Variants in PTPRT observed in about 807,000 individuals in gnomAD.
The protein encoded by PTPRT is receptor-type tyrosine-protein phosphatase T.
A neutral mutation model predicts 176.8 loss-of-function variants in PTPRT; 56 were observed. The observed-to-expected ratio is 0.32, with a 90% CI of 0.26 to 0.40. The LOEUF (loss-of-function observed/expected upper bound fraction) is 0.40, where lower values mean the gene tolerates loss of function less well. Among genes scored for constraint, PTPRT ranks in the 10% least tolerant of loss-of-function variants. PTPRT has a pLI of 1.00. For missense variants in PTPRT, 1,540 were observed against 1,908.2 expected (o/e 0.81, Z 3.60); for synonymous variants, 783 against 739.0 (o/e 1.06, Z -0.96).
chr20:42,294,431 A>C (rs1041400428), intron 12 of PTPRT, among the ~76,000 whole-genome samples: 1 of 152,094 alleles, frequency 6.6e-6, no homozygotes, highest in Non-Finnish European at 1.5e-5. Flanking sequence ...GAATTTTTAG[A>C]ATCACAAAAG....
At chr20:42,064,287 C>T in the PTPRT span, among the ~76,000 whole-genome samples, 2 of 152,102 alleles carry the variant, frequency 1.3e-5, no homozygotes, top group African/African-American at 4.8e-5. Context: ...CTAAAAGACT[C>T]ATATTGATTT....
intron 11 of PTPRT, among the ~76,000 whole-genome samples, chr20:42,342,722 A>G (rs760803281): frequency 9.2e-5 from 14 of 152,202 alleles, no homozygotes; most frequent in Non-Finnish European, 1.6e-4. Context: ...CTGCGGCTTC[A>G]TGGACCAGCA....
At chr20:42,772,233 C>T (rs1310849114) in intron 4 of PTPRT, among the ~76,000 whole-genome samples, 1 of 152,212 alleles carries the variant, frequency 6.6e-6, no homozygotes, top group Non-Finnish European at 1.5e-5. Flanking sequence ...GTACCACATG[C>T]AGTGTCTCTC....
intron 6 of PTPRT, among the ~76,000 whole-genome samples, chr20:42,722,288 T>A (rs2076315972): frequency 6.6e-6 from 1 of 152,158 alleles, no homozygotes; most frequent in Non-Finnish European, 1.5e-5. Flanking sequence ...GATTTACCCA[T>A]GCCCACTGTC....
chr20:42,585,090 G>T (rs980488792), intron 7 of PTPRT, among the ~76,000 whole-genome samples: 2 of 152,038 alleles, frequency 1.3e-5, no homozygotes, highest in African/African-American at 2.4e-5. Flanking sequence ...GGAAAAAAAT[G>T]GTTACCCTTT....
chr20:43,139,448 C>A (rs1204059411), intron 1 of PTPRT, among the ~76,000 whole-genome samples: 1 of 152,222 alleles, frequency 6.6e-6, no homozygotes, highest in East Asian at 1.9e-4. Context: ...CGTTCCAGGA[C>A]ACCAGACCTT....
intron 1 of PTPRT, among the ~76,000 whole-genome samples, chr20:43,177,009 C>T (rs1222625189): frequency 6.6e-6 from 1 of 152,150 alleles, no homozygotes; most frequent in Non-Finnish European, 1.5e-5. Flanking sequence ...CCATAATATC[C>T]TGTATTTTTG....
chr20:42,982,418 G>A (rs529070580), intron 1 of PTPRT, among the ~76,000 whole-genome samples: 8 of 152,316 alleles, frequency 5.3e-5, no homozygotes, highest in Admixed American at 1.3e-4. Flanking sequence ...GAGCTTGGCA[G>A]AGCGTGACTG....
At chr20:43,127,067 T>C (rs2013466537) in intron 1 of PTPRT, among the ~76,000 whole-genome samples, 1 of 152,224 alleles carries the variant, frequency 6.6e-6, no homozygotes, top group East Asian at 1.9e-4. Context: ...TTACTTATGA[T>C]TGTAAGCTAT....
At chr20:43,107,822 A>G (rs2012682260) in intron 1 of PTPRT, among the ~76,000 whole-genome samples, 1 of 152,232 alleles carries the variant, frequency 6.6e-6, no homozygotes, top group Non-Finnish European at 1.5e-5. Context: ...TCAAGTTTGG[A>G]AAGAAATGGC....
chr20:42,224,475 A>G (rs2055958923), intron 15 of PTPRT, among the ~76,000 whole-genome samples: 1 of 152,176 alleles, frequency 6.6e-6, no homozygotes, highest in African/African-American at 2.4e-5. Context: ...TTCCATCATC[A>G]TACTCAAACT....
Position 42,632,215 on chromosome 20 carries a change from A to G in PTPRT, c.1153+45651T>C, listed in dbSNP as rs888214396. Among the ~76,000 whole-genome samples the G allele has an allele frequency of 4.6e-5, 7 of 151,980 alleles. No individual in the cohort carries two copies. The East Asian group carries it at 1.4e-3, about 29-fold the overall frequency. ...CCCAAGATCACACATGCTTTCTCCTATGCTGTTTTTGTTGTTGTTGTTGTT... is the reference window on the plus strand; with the variant it reads ...CCCAAGATCACACATGCTTTCTCCTGTGCTGTTTTTGTTGTTGTTGTTGTT... On this transcript the variant is annotated intron_variant, in intron 7 of 30. Coordinates refer to ENST00000373187, the MANE Select transcript of PTPRT (RefSeq NM_007050.6).
At chr20:42,628,755 A>G (rs1205282479) in intron 7 of PTPRT, among the ~76,000 whole-genome samples, 4 of 152,224 alleles carry the variant, frequency 2.6e-5, no homozygotes, top group Admixed American at 2.6e-4. Flanking sequence ...CCCATGGGCT[A>G]AATTCAACCT....
intron 12 of PTPRT, among the ~76,000 whole-genome samples, chr20:42,298,753 T>C (rs1321711751): frequency 1.3e-5 from 2 of 152,080 alleles, no homozygotes; most frequent in African/African-American, 4.8e-5. Flanking sequence ...AAACCCTGTC[T>C]CTACTAAAAA....
Position 43,106,369 on chromosome 20 carries a change from C to T in PTPRT, c.88+83277G>A, listed in dbSNP as rs2059737233. On this transcript the variant is annotated intron_variant, in intron 1 of 30. Coordinates refer to ENST00000373187, the MANE Select transcript of PTPRT (RefSeq NM_007050.6). ...AGTTTTCTTCCAGTTTAGAAAGAGA[C>T]ATATGTGGCCGGGTGCAGTGGCTCA... 2.0e-5 allele frequency among the ~76,000 whole-genome samples: 3 copies of T among 152,104 alleles called. No individual in the cohort carries two copies. In the South Asian group the frequency reaches 6.2e-4, roughly 32 times the overall value.
intron 7 of PTPRT, among the ~76,000 whole-genome samples, chr20:42,583,401 G>A (rs1331341558): frequency 6.6e-6 from 1 of 152,152 alleles, no homozygotes; most frequent in African/African-American, 2.4e-5. Context: ...AGAGCTGCAG[G>A]AAAATTCTGT....
chr20:42,116,760 G>C (rs1987304860), intron 21 of PTPRT, among the ~76,000 whole-genome samples: 1 of 152,174 alleles, frequency 6.6e-6, no homozygotes, highest in African/African-American at 2.4e-5. Flanking sequence ...GATGGTTGTA[G>C]GTTTCGGTAA....
chr20:42,262,277 G>A (rs1055598636), intron 13 of PTPRT, among the ~76,000 whole-genome samples: 3 of 152,226 alleles, frequency 2.0e-5, no homozygotes, highest in African/African-American at 4.8e-5. Context: ...GGGAGGTGAG[G>A]AGGGTAGAAG....
chr20:42,103,434 C>G (rs1227241913), intron 25 of PTPRT, among the ~76,000 whole-genome samples: 1 of 152,194 alleles, frequency 6.6e-6, no homozygotes, highest in Non-Finnish European at 1.5e-5. Context: ...TGCTGCTGGT[C>G]TCCAGACTGC....
Sources: allele counts gnomAD v4.1 joint callset (sites outside exome capture counted in the v4.1 genomes callset), GRCh38; gene constraint gnomAD v4.1.1; transcripts MANE v1.5; gene names NCBI Gene and HGNC (gene_info 2026-07-23, HGNC 2026-07-21).